The following ARL6IP6 variants were observed in gnomAD, a reference collection of about 807,000 sequenced individuals.
ARL6IP6 encodes the protein ADP-ribosylation factor-like protein 6-interacting protein 6.
In ARL6IP6, 22 loss-of-function variants were observed where a neutral mutation model predicts 21.5. The ratio of observed to expected loss-of-function variants is 1.02; its 90% CI spans 0.73 to 1.46. The LOEUF (loss-of-function observed/expected upper bound fraction) is 1.46. ARL6IP6 is among the 40% of genes most tolerant of loss of function. ARL6IP6 has a pLI of 0.00. For synonymous variants in ARL6IP6, 164 were observed against 125.3 expected (o/e 1.31, Z -2.06); for missense variants, 388 against 299.8 (o/e 1.29, Z -2.17).
rs1459509482 is a variant in ARL6IP6 at position 152,761,915 on chromosome 2, A to G, written c.*2075A>G. On this transcript the variant is annotated 3_prime_UTR_variant, in exon 4 of 4. Transcript: ENST00000326446. ...ACATGACTATATATACCTACAAGAT[A>G]TATATTAATATAGATAAATATAGAG... 2.6e-5 allele frequency among the ~76,000 whole-genome samples: 4 copies of G among 152,174 alleles called. No individual in the cohort carries two copies. Among genetic ancestry groups the G allele is most frequent in the Non-Finnish European group, 5.9e-5 (4 of 68,028 alleles).
chr2:152,729,435 G>C (rs1163827089), intron 2 of ARL6IP6, among the ~76,000 whole-genome samples: 2 of 152,196 alleles, frequency 1.3e-5, no homozygotes, highest in African/African-American at 4.8e-5. Flanking sequence ...AAGGATGTGT[G>C]TATTTATTTA....
intron 2 of ARL6IP6, among the ~76,000 whole-genome samples, chr2:152,728,198 T>G (rs1003639649): frequency 6.6e-6 from 1 of 152,210 alleles, no homozygotes; most frequent in African/African-American, 2.4e-5. Flanking sequence ...TTTCATAATA[T>G]AAGTATACCA....
rs777605512 is a variant in ARL6IP6, at chr2:152,719,010, A to G, written c.386A>G (p.Tyr129Cys). Residue 129 changes from tyrosine to cysteine, a missense_variant, in exon 1 of 4, where the codon TAC (tyrosine) becomes TGC (cysteine). Tyr to Cys is a radical substitution (Grantham distance 194, BLOSUM62 -2). Coordinates refer to ENST00000326446, the MANE Select transcript of ARL6IP6 (RefSeq NM_152522.7). ...ILLAFLLAIAYLIVKELHAEN... is the reference protein window; with the variant it reads ...ILLAFLLAIACLIVKELHAEN... The stretch of plus-strand genomic sequence containing the variant: ...CTCGCCTTCCTCCTCGCCATCGCCT[A>G]CTTGATCGTTAAAGGTATTGAAGCC... 2.3e-5 allele frequency: 36 copies of G among 1,571,730 alleles called. No individual in the cohort carries two copies. Among genetic ancestry groups the G allele is most frequent in the Non-Finnish European group, 2.8e-5 (32 of 1,156,858 alleles).
chr2:152,736,220 G>A (rs1700545549), intron 3 of ARL6IP6, among the ~76,000 whole-genome samples: 1 of 152,104 alleles, frequency 6.6e-6, no homozygotes, highest in Admixed American at 6.6e-5. Flanking sequence ...TAGTTTACAT[G>A]GGTACCACTC....
chr2:152,756,218 A>G (rs1701587648), intron 3 of ARL6IP6, among the ~76,000 whole-genome samples: 2 of 152,132 alleles, frequency 1.3e-5, no homozygotes, highest in South Asian at 4.1e-4. Flanking sequence ...TAGTTCTTGT[A>G]TTTAGGTCTT....
In ARL6IP6 at chr2:152,735,027, C is replaced by G; in HGVS notation, c.488C>G (p.Ala163Gly). The G allele has an allele frequency of 1.2e-6, 2 of 1,613,284 alleles. No homozygotes were observed. The highest frequency in any genetic ancestry group is 1.7e-6 in the Non-Finnish European group (2 of 1,179,304). Residue 163 changes from alanine (A) to glycine (G), a missense_variant, in exon 3 of 4, where the codon GCT becomes GGT. Ala to Gly is a moderately conservative substitution (Grantham distance 60). Coordinates refer to ENST00000326446, the MANE Select transcript of ARL6IP6 (RefSeq NM_152522.7). ...FWTLLIISLT[A>G]GFSCCSFSWT... is the part of the protein sequence containing the mutation. ...ACTCTACTTATAATATCCCTAACTG[C>G]TGGATTCTCCTGTTGCAGCTTTTCT...
Position 152,727,607 on chromosome 2 carries a change from T to G in ARL6IP6, c.454+7021T>G, listed in dbSNP as rs919823274. Among the ~76,000 whole-genome samples, 3 of 152,300 alleles carry G rather than the reference T, an allele frequency of 2.0e-5. No homozygotes were observed. In the East Asian group the frequency reaches 5.8e-4, roughly 29 times the overall value. On this transcript the variant is annotated intron_variant, in intron 2 of 3. Transcript: ENST00000326446. ...GTACCCTATACAGGTGTACCATATTTTATCTTTTACACTGTATTTTTACTG... is the reference window on the plus strand; with the variant it reads ...GTACCCTATACAGGTGTACCATATTGTATCTTTTACACTGTATTTTTACTG...
intron 2 of ARL6IP6, among the ~76,000 whole-genome samples, chr2:152,727,883 A>G (rs758286309): frequency 6.6e-6 from 1 of 151,452 alleles, no homozygotes; most frequent in Non-Finnish European, 1.5e-5. Flanking sequence ...TCATCAGTGT[A>G]TGATTGTATT....
chr2:152,733,657 T>C (rs932268691), intron 2 of ARL6IP6, among the ~76,000 whole-genome samples: 1 of 152,200 alleles, frequency 6.6e-6, no homozygotes, highest in Non-Finnish European at 1.5e-5. Context: ...TTTTTGCTTA[T>C]TATTTCATGT....
chr2:152,734,665 C>G (rs1473282126), intron 2 of ARL6IP6, among the ~76,000 whole-genome samples: 2 of 152,114 alleles, frequency 1.3e-5, no homozygotes, highest in African/African-American at 4.8e-5. Context: ...CTCAAGACAT[C>G]TTAAGAGTCT....
At chr2:152,734,673 T>G (rs1040921305) in intron 2 of ARL6IP6, among the ~76,000 whole-genome samples, 6 of 152,078 alleles carry the variant, frequency 3.9e-5, no homozygotes, top group Admixed American at 2.6e-4. Context: ...ATCTTAAGAG[T>G]CTTGTGAAAT....
chr2:152,724,367 T>G (rs1446908352), intron 2 of ARL6IP6, among the ~76,000 whole-genome samples: 1 of 152,198 alleles, frequency 6.6e-6, no homozygotes, highest in Non-Finnish European at 1.5e-5. Context: ...TGTGTGTTAT[T>G]TCCTCTAGTA....
chr2:152,750,664 G>A (rs542952740), intron 3 of ARL6IP6, among the ~76,000 whole-genome samples: 15 of 152,052 alleles, frequency 9.9e-5, no homozygotes, highest in African/African-American at 3.4e-4. Context: ...TCTTTTGTCT[G>A]TCAGTCCATT....
chr2:152,733,092 CTTTATA>C (rs987256688), intron 2 of ARL6IP6, among the ~76,000 whole-genome samples: 2 of 152,166 alleles, frequency 1.3e-5, no homozygotes, highest in African/African-American at 4.8e-5. Context: ...GCTTCTACAA[CTTTATA>C]TTTAGATTAT....
In ARL6IP6 at chr2:152,761,153, G is replaced by A. The variant is rs1260726025; in HGVS notation, c.*1313G>A. 6.6e-6 allele frequency: 1 copy of A among 152,228 alleles called. No individual in the cohort carries two copies. The highest frequency in any genetic ancestry group is 1.9e-4 in the East Asian group (1 of 5,192). The allele number at this position is 152,228 out of a possible 1,614,324, so 9.4% of individuals were successfully genotyped here. ...TAATTATCTACTGAATGTTGTTACC[G>A]ACTAAACAAGGTTTCTAAAAGTCTC... On this transcript the variant is annotated 3_prime_UTR_variant, in exon 4 of 4. Coordinates refer to ENST00000326446, the MANE Select transcript of ARL6IP6 (RefSeq NM_152522.7).
At chr2:152,717,741 G>A (rs1699201826), upstream of ARL6IP6, 24 of 1,319,850 alleles carry the variant, frequency 1.8e-5, no homozygotes, top group South Asian at 3.2e-4. Context: ...CCAGCTTCCC[G>A]AGCTTAGACC....
rs1173237555 is a variant in ARL6IP6, at chr2:152,762,169, A to G, written c.*2329A>G. Among the ~76,000 whole-genome samples the G allele has an allele frequency of 1.3e-5, 2 of 152,196 alleles. No homozygotes were observed. The highest frequency in any genetic ancestry group is 4.8e-5 in the African/African-American group (2 of 41,446). On this transcript the variant is annotated 3_prime_UTR_variant, in exon 4 of 4. Transcript: ENST00000326446. ...AATAGAGAAATGACTTCAGTGAAGT[A>G]TGTCTCTTCCCAGGATTTTTCAGCT...
chr2:152,735,173 T>G (rs768285693), intron 3 of ARL6IP6, 47 bp downstream of exon 3: 7 of 1,594,634 alleles, frequency 4.4e-6, no homozygotes, highest in Non-Finnish European at 5.2e-6. Context: ...ATTTCAACTC[T>G]TGAAAATACT....
Position 152,761,220 on chromosome 2 carries a change from T to C in ARL6IP6, c.*1380T>C, listed in dbSNP as rs1701829760. 1 of 152,164 alleles carries C rather than the reference T, an allele frequency of 6.6e-6. No individual in the cohort carries two copies. Among genetic ancestry groups the C allele is most frequent in the South Asian group, 2.1e-4 (1 of 4,826 alleles). 9.4% of individuals were successfully genotyped at this position (152,164 alleles called of 1,614,324 possible). A position where few individuals can be genotyped will look rare whatever the true frequency, so the allele number is the denominator to read the frequency against. On this transcript the variant is annotated 3_prime_UTR_variant, in exon 4 of 4. Coordinates refer to ENST00000326446, the MANE Select transcript of ARL6IP6 (RefSeq NM_152522.7). ...TCAAAACTCTTTGGTTGGAAATGAC[T>C]AATACTGCTCCAATTTAAATTATCT...
Sources: allele counts gnomAD v4.1 joint callset (sites outside exome capture counted in the v4.1 genomes callset), GRCh38; gene constraint gnomAD v4.1.1; transcripts MANE v1.5; gene names NCBI Gene and HGNC (gene_info 2026-07-23, HGNC 2026-07-21).